The following SPOPL variants were observed in gnomAD, a reference collection of about 807,000 sequenced individuals.
SPOPL encodes the protein speckle-type POZ protein-like.
SPOPL carries 23 observed loss-of-function variants against 53.8 expected under a neutral mutation model. That is an observed-to-expected ratio of 0.43 (90% confidence interval 0.31 to 0.61). The LOEUF is 0.61. Among genes scored for constraint, SPOPL ranks in the 20% least tolerant of loss-of-function variants. SPOPL has a pLI of 0.12. For synonymous variants in SPOPL, 164 were observed against 149.7 expected (o/e 1.10, Z -0.70); for missense variants, 442 against 466.9 (o/e 0.95, Z 0.49).
chr2:138,523,879 T>A (rs1573876517), intron 1 of SPOPL, among the ~76,000 whole-genome samples: 1 of 151,942 alleles, frequency 6.6e-6, no homozygotes, highest in Non-Finnish European at 1.5e-5. Flanking sequence ...TGTCTGCGGG[T>A]TTTCCAGGCG....
At chr2:138,544,947 T>C (rs1685159200) in intron 1 of SPOPL, among the ~76,000 whole-genome samples, 2 of 152,248 alleles carry the variant, frequency 1.3e-5, no homozygotes, top group Admixed American at 1.3e-4. Context: ...TCCTGGAATA[T>C]GTGGGAGCTT....
intron 1 of SPOPL, among the ~76,000 whole-genome samples, chr2:138,509,990 G>C (rs1684294156): frequency 2.0e-5 from 3 of 152,096 alleles, no homozygotes; most frequent in Admixed American, 1.3e-4. Context: ...AGCCTTTTCA[G>C]ATTAGTTTCT....
At chr2:138,542,588 A>G (rs1220978353) in intron 1 of SPOPL, among the ~76,000 whole-genome samples, 3 of 151,882 alleles carry the variant, frequency 2.0e-5, no homozygotes, top group South Asian at 2.1e-4. Flanking sequence ...CATTTGCTTA[A>G]TAGATCTTCC....
chr2:138,504,491 G>A (rs1279994238), intron 1 of SPOPL, among the ~76,000 whole-genome samples: 1 of 152,198 alleles, frequency 6.6e-6, no homozygotes, highest in African/African-American at 2.4e-5. Flanking sequence ...CTTTGAAAGG[G>A]TGGGATAAAA....
chr2:138,550,744 G>C, intron 3 of SPOPL, 140 bp downstream of exon 3: 1 of 1,410,124 alleles, frequency 7.1e-7, no homozygotes, highest in Non-Finnish European at 9.6e-7. Context: ...TAATAGTGTG[G>C]GGAATTATAA....
chr2:138,504,999 A>C (rs540542549), intron 1 of SPOPL, among the ~76,000 whole-genome samples: 1 of 152,360 alleles, frequency 6.6e-6, no homozygotes, highest in South Asian at 2.1e-4. Flanking sequence ...AAAATCAGAC[A>C]GTTGAGAAAG....
rs540110412 is a variant in SPOPL, at chr2:138,570,461, G to C, written c.*1381G>C. The C allele has an allele frequency of 1.3e-5, 2 of 152,272 alleles. No homozygotes were observed. Among genetic ancestry groups the C allele is most frequent in the South Asian group, 4.1e-4 (2 of 4,826 alleles). 9.4% of individuals were successfully genotyped at this position (152,272 alleles called of 1,614,324 possible). ...TATACACGTTCAGTGTTTGATAGTT[G>C]TGTTCTTAAGGGAGGTTTGTTCTGG... On this transcript the variant is annotated 3_prime_UTR_variant, in exon 11 of 11. Transcript: ENST00000280098.
At chr2:138,562,975 G>T (rs548372114) in intron 8 of SPOPL, among the ~76,000 whole-genome samples, 1 of 151,808 alleles carries the variant, frequency 6.6e-6, no homozygotes, top group African/African-American at 2.4e-5. Flanking sequence ...TCTTTTCTTC[G>T]AAAGACAGAA....
At position 138,564,802 on chromosome 2, in the gene SPOPL, T is replaced by G. The variant is rs941042712; in HGVS notation, c.932T>G (p.Leu311Trp). The change falls in exon 9 of 11, where the codon TTG becomes TGG. Residue 311 changes from leucine to tryptophan, a missense_variant. Physicochemically the swap from Leu to Trp is moderately conservative, Grantham distance 61 (BLOSUM62 -2). Coordinates refer to ENST00000280098, the MANE Select transcript of SPOPL (RefSeq NM_001001664.3). ...GCAGATACCCTTGTCCTTGCAGATTTGCACAGTGCAGAACAGTTGAAAGCA... is the reference window on the plus strand; with the variant it reads ...GCAGATACCCTTGTCCTTGCAGATTGGCACAGTGCAGAACAGTTGAAAGCA... The part of the protein sequence containing the change: ...NVADTLVLAD[L>W]HSAEQLKAQA... 2.9e-5 allele frequency: 47 copies of G among 1,614,098 alleles called. 2 individuals are homozygous for G. The highest frequency in any genetic ancestry group is 1.7e-6 in the Non-Finnish European group (2 of 1,180,032).
chr2:138,551,077 G>A (rs749582359), intron 4 of SPOPL, 23 bp downstream of exon 4: 51 of 1,610,958 alleles, frequency 3.2e-5, no homozygotes, highest in East Asian at 2.2e-4. Flanking sequence ...CAAACTAAGT[G>A]AAGACATTTC....
At chr2:138,558,902 G>C in intron 5 of SPOPL, 120 bp from the exon 6 acceptor site, 4 of 672,194 alleles carry the variant, frequency 6.0e-6, no homozygotes, top group Non-Finnish European at 8.8e-6. Flanking sequence ...TAGAAATTTT[G>C]ATTAGGAGTA....
intron 1 of SPOPL, among the ~76,000 whole-genome samples, chr2:138,535,519 C>T (rs1472745983): frequency 1.0e-4 from 15 of 149,326 alleles, no homozygotes; most frequent in African/African-American, 3.2e-4. Context: ...GGTGATTCCC[C>T]ACTCCTTTTT....
intron 5 of SPOPL, among the ~76,000 whole-genome samples, chr2:138,555,238 T>G (rs906476111): frequency 2.6e-5 from 4 of 151,158 alleles, no homozygotes; most frequent in Admixed American, 2.6e-4. Context: ...GAGGTTAGAG[T>G]CCTCATAACC....
intron 1 of SPOPL, among the ~76,000 whole-genome samples, chr2:138,524,916 C>G (rs1470610985): frequency 6.6e-6 from 1 of 152,004 alleles, no homozygotes; most frequent in African/African-American, 2.4e-5. Context: ...TACCCAGTTC[C>G]AAATTCCCAC....
At chr2:138,554,408 AC>A in intron 5 of SPOPL, 1 of 1,187,338 alleles carries the variant, frequency 8.4e-7, no homozygotes, top group Non-Finnish European at 1.1e-6. Flanking sequence ...TGTTTGTTCC[AC>A]CCCGCTCACG....
At chr2:138,534,144 C>T (rs1443803920) in intron 1 of SPOPL, among the ~76,000 whole-genome samples, 2 of 151,908 alleles carry the variant, frequency 1.3e-5, no homozygotes, top group Non-Finnish European at 2.9e-5. Context: ...TTAAAAATAA[C>T]GATTAGTACT....
At chr2:138,515,443 A>T (rs1684417678) in intron 1 of SPOPL, among the ~76,000 whole-genome samples, 1 of 152,224 alleles carries the variant, frequency 6.6e-6, no homozygotes, top group Non-Finnish European at 1.5e-5. Flanking sequence ...ACTTGAAAAA[A>T]GTTGGCAGAA....
At chr2:138,553,746 T>G (rs1472278507) in intron 5 of SPOPL, among the ~76,000 whole-genome samples, 11 of 152,150 alleles carry the variant, frequency 7.2e-5, no homozygotes, top group Admixed American at 7.2e-4. Flanking sequence ...GAATTTATTA[T>G]GAATACAATT....
At chr2:138,521,708 T>C (rs1684562351) in intron 1 of SPOPL, among the ~76,000 whole-genome samples, 1 of 152,172 alleles carries the variant, frequency 6.6e-6, no homozygotes, top group Non-Finnish European at 1.5e-5. Flanking sequence ...TCTGGAAGTC[T>C]TTACCCTTGT....
Sources: allele counts gnomAD v4.1 joint callset (sites outside exome capture counted in the v4.1 genomes callset), GRCh38; gene constraint gnomAD v4.1.1; transcripts MANE v1.5; gene names NCBI Gene and HGNC (gene_info 2026-07-23, HGNC 2026-07-21).